The following PSMD14 variants were observed in gnomAD, a reference collection of about 807,000 sequenced individuals.
PSMD14 encodes the protein proteasome 26S subunit, non-ATPase 14, also known as ubiquitin C-terminal hydrolase PSMD14.
In PSMD14, 7 loss-of-function variants were observed where a neutral mutation model predicts 41.2. That is an observed-to-expected ratio of 0.17 (90% confidence interval 0.10 to 0.32). The LOEUF is 0.32. Ranked by LOEUF, PSMD14 falls within the 10% of genes least tolerant of loss-of-function variation. The pLI is 1.00. For missense variants in PSMD14, 139 were observed against 375.6 expected, an observed-to-expected ratio of 0.37 and a Z score of 5.21; for synonymous variants, 114 against 122.3, an observed-to-expected ratio of 0.93 and a Z score of 0.45.
chr2:161,400,303 C>A (rs1416548998), intron 10 of PSMD14, among the ~76,000 whole-genome samples: 1 of 152,112 alleles, frequency 6.6e-6, no homozygotes, highest in Non-Finnish European at 1.5e-5. Flanking sequence ...GCGATAGCTT[C>A]AGCCATCTCA....
At chr2:161,406,567 T>A (rs1487354669) in intron 10 of PSMD14, among the ~76,000 whole-genome samples, 1 of 152,160 alleles carries the variant, frequency 6.6e-6, no homozygotes, top group Non-Finnish European at 1.5e-5. Flanking sequence ...CAAACTGGTC[T>A]TGCCCAGATG....
intron 1 of PSMD14, among the ~76,000 whole-genome samples, chr2:161,311,166 G>T (rs553802923): frequency 1.3e-5 from 2 of 152,020 alleles, no homozygotes; most frequent in African/African-American, 4.8e-5. Flanking sequence ...AAAATTAGCC[G>T]GGCATGGGGG....
intron 3 of PSMD14, among the ~76,000 whole-genome samples, chr2:161,324,057 G>C (rs922209040): frequency 5.3e-5 from 8 of 152,084 alleles, no homozygotes; most frequent in South Asian, 2.1e-4. Context: ...TTTCTCCCTG[G>C]GTTCATTTTA....
At chr2:161,315,918 A>C (rs1689142867) in intron 1 of PSMD14, among the ~76,000 whole-genome samples, 2 of 138,956 alleles carry the variant, frequency 1.4e-5, no homozygotes, top group Non-Finnish European at 3.0e-5. Flanking sequence ...TTCTCGGCTC[A>C]TTGCAATCCA....
Position 161,312,206 on chromosome 2 carries a change from C to T in PSMD14, c.-138+3602C>T, listed in dbSNP as rs981315806. ...TCACCCAGGCTGGAGTGCGGTGGCG[C>T]GATCTCGGCTCACTGTAACTTCCAC... is the stretch of plus-strand genomic sequence containing the variant. On this transcript the variant is annotated intron_variant, in intron 1 of 11. Transcript: ENST00000409682. 1.1e-4 allele frequency among the ~76,000 whole-genome samples: 16 copies of T among 150,924 alleles called. No homozygotes were observed. In the East Asian group the frequency reaches 2.9e-3, roughly 28 times the overall value.
intron 1 of PSMD14, among the ~76,000 whole-genome samples, chr2:161,312,042 T>G (rs1689094045): frequency 6.6e-6 from 1 of 152,180 alleles, no homozygotes; most frequent in Non-Finnish European, 1.5e-5. Flanking sequence ...GAATATGAAG[T>G]TTTAACTACT....
At chr2:161,404,833 C>A (rs1300178830) in intron 10 of PSMD14, among the ~76,000 whole-genome samples, 1 of 152,182 alleles carries the variant, frequency 6.6e-6, no homozygotes, top group Non-Finnish European at 1.5e-5. Context: ...GGCAACTACA[C>A]ACTCTGCTGC....
At chr2:161,343,927 A>G (rs1408524511) in intron 3 of PSMD14, among the ~76,000 whole-genome samples, 7 of 152,126 alleles carry the variant, frequency 4.6e-5, no homozygotes, top group Admixed American at 4.6e-4. Context: ...GATTCAACCA[A>G]CGTTTACATC....
intron 6 of PSMD14, 64 bp from the exon 7 acceptor site, chr2:161,371,108 C>T (rs1009742951): frequency 1.3e-6 from 2 of 1,521,982 alleles, no homozygotes; most frequent in African/African-American, 2.8e-5. Context: ...TGTGTTGTTT[C>T]TTTTCATATC....
At chr2:161,311,592 T>G (rs1689088046) in intron 1 of PSMD14, among the ~76,000 whole-genome samples, 1 of 149,460 alleles carries the variant, frequency 6.7e-6, no homozygotes, top group African/African-American at 2.4e-5. Flanking sequence ...GACTCCATAA[T>G]AGATTATTAT....
At chr2:161,398,252 T>G (rs1040077345) in intron 10 of PSMD14, among the ~76,000 whole-genome samples, 1 of 152,166 alleles carries the variant, frequency 6.6e-6, no homozygotes, top group Non-Finnish European at 1.5e-5. Flanking sequence ...ACTTAAAATA[T>G]AAAAAGAAAG....
chr2:161,341,363 C>G, intron 3 of PSMD14: 2 of 968,088 alleles, frequency 2.1e-6, no homozygotes, highest in African/African-American at 1.8e-5. Flanking sequence ...AGCTGCGACC[C>G]CGAGGGATCC....
intron 3 of PSMD14, among the ~76,000 whole-genome samples, chr2:161,352,457 C>T (rs1469530742): frequency 1.3e-5 from 2 of 152,152 alleles, no homozygotes; most frequent in African/African-American, 4.8e-5. Flanking sequence ...ACTCTCTTTC[C>T]TTTTATTTTG....
At chr2:161,324,497 G>T (rs780923593) in intron 3 of PSMD14, among the ~76,000 whole-genome samples, 1 of 152,164 alleles carries the variant, frequency 6.6e-6, no homozygotes, top group Non-Finnish European at 1.5e-5. Context: ...CTAGAGAATA[G>T]ATACATAAGA....
chr2:161,372,990 G>T (rs1033267578), intron 7 of PSMD14, among the ~76,000 whole-genome samples: 4 of 151,780 alleles, frequency 2.6e-5, no homozygotes, highest in African/African-American at 4.8e-5. Context: ...CACAATGAAA[G>T]AATGCATTCT....
chr2:161,346,270 A>G (rs181675887), intron 3 of PSMD14, among the ~76,000 whole-genome samples: 1 of 152,224 alleles, frequency 6.6e-6, no homozygotes, highest in Non-Finnish European at 1.5e-5. Context: ...ACTTATTGAC[A>G]GCCTAGAGAT....
chr2:161,405,917 G>T (rs558798720), intron 10 of PSMD14, among the ~76,000 whole-genome samples: 1 of 152,078 alleles, frequency 6.6e-6, no homozygotes, highest in Non-Finnish European at 1.5e-5. Context: ...GATACAGGGT[G>T]GCAAAAGCAA....
At chr2:161,404,630 A>G (rs1458054172) in intron 10 of PSMD14, among the ~76,000 whole-genome samples, 1 of 152,120 alleles carries the variant, frequency 6.6e-6, no homozygotes, top group Non-Finnish European at 1.5e-5. Flanking sequence ...TTCATGACAG[A>G]GTATGGCGCT....
At chr2:161,354,462 G>A (rs564354672) in intron 3 of PSMD14, among the ~76,000 whole-genome samples, 3 of 150,840 alleles carry the variant, frequency 2.0e-5, no homozygotes, top group African/African-American at 7.3e-5. Flanking sequence ...CCAGGCTGCT[G>A]AATGATGTTT....
Sources: allele counts gnomAD v4.1 joint callset (sites outside exome capture counted in the v4.1 genomes callset), GRCh38; gene constraint gnomAD v4.1.1; transcripts MANE v1.5; gene names NCBI Gene and HGNC (gene_info 2026-07-23, HGNC 2026-07-21).